PTPRD: variants seen among roughly 807,000 people sequenced by gnomAD.
PTPRD encodes protein tyrosine phosphatase receptor type D, also known as receptor-type tyrosine-protein phosphatase delta.
PTPRD carries 34 observed loss-of-function variants against 214.5 expected under a neutral mutation model. The ratio of observed to expected loss-of-function variants is 0.16; its 90% CI spans 0.12 to 0.21. The LOEUF (loss-of-function observed/expected upper bound fraction) is 0.21. PTPRD is among the 10% of genes least tolerant of loss of function. PTPRD has a pLI of 1.00. For synonymous variants in PTPRD, 1,128 were observed against 845.7 expected, an observed-to-expected ratio of 1.33 and a Z score of -5.79; for missense variants, 2,545 against 2,398.7, an observed-to-expected ratio of 1.06 and a Z score of -1.27.
At chr9:8,572,856 T>C (rs574542546) in intron 14 of PTPRD, among the ~76,000 whole-genome samples, 2 of 152,206 alleles carry the variant, frequency 1.3e-5, no homozygotes, top group African/African-American at 2.4e-5. Flanking sequence ...GTTTGCATGA[T>C]TCTATTTTCA....
intron 2 of PTPRD, among the ~76,000 whole-genome samples, chr9:10,598,827 G>A (rs1018916927): frequency 4.0e-5 from 6 of 151,260 alleles, no homozygotes; most frequent in East Asian, 1.9e-4. Flanking sequence ...AGAGAGTAAA[G>A]GAGACTAGTA....
chr9:9,573,257 T>C (rs931165608), intron 8 of PTPRD, among the ~76,000 whole-genome samples: 7 of 151,566 alleles, frequency 4.6e-5, no homozygotes, highest in Non-Finnish European at 1.0e-4. Flanking sequence ...ATTTCATTTA[T>C]AGAATACAGA....
Position 10,186,195 on chromosome 9 carries a change from G to A in PTPRD, c.-544-152405C>T, listed in dbSNP as rs144916903. Among the ~76,000 whole-genome samples the A allele has an allele frequency of 5.2e-3, 786 of 151,982 alleles. 6 individuals are homozygous for A. Among genetic ancestry groups the A allele is most frequent in the African/African-American group, 0.018 (748 of 41,456 alleles). ...ACGTTTTTGATTGGAACTTGGAAAA[G>A]TTAAATATAATTAAACTCAACCTGA... On this transcript the variant is annotated intron_variant, in intron 3 of 45. Transcript: ENST00000381196.
intron 7 of PTPRD, among the ~76,000 whole-genome samples, chr9:9,684,278 C>T (rs1023303665): frequency 2.0e-5 from 3 of 151,662 alleles, no homozygotes; most frequent in African/African-American, 7.2e-5. Context: ...ATTCAACATA[C>T]CTTTCTGGAC....
intron 2 of PTPRD, among the ~76,000 whole-genome samples, chr9:10,389,154 T>C (rs932359968): frequency 2.6e-5 from 4 of 151,828 alleles, no homozygotes; most frequent in Non-Finnish European, 5.9e-5. Context: ...GCAGCTGTTA[T>C]GTGTACATAG....
At chr9:8,578,126 G>C (rs2092664661) in intron 14 of PTPRD, among the ~76,000 whole-genome samples, 5 of 152,140 alleles carry the variant, frequency 3.3e-5, no homozygotes, top group Admixed American at 3.3e-4. Context: ...TCTGTACATA[G>C]GATACACACT....
At chr9:8,744,369 T>A (rs547793842) in intron 11 of PTPRD, among the ~76,000 whole-genome samples, 1 of 152,296 alleles carries the variant, frequency 6.6e-6, no homozygotes, top group African/African-American at 2.4e-5. Context: ...GCAGCACAAT[T>A]TGCAACTGCA....
At chr9:9,638,193 A>G (rs191613431) in intron 7 of PTPRD, among the ~76,000 whole-genome samples, 26 of 152,218 alleles carry the variant, frequency 1.7e-4, no homozygotes, top group Non-Finnish European at 3.4e-4. Flanking sequence ...AAATTTCCCA[A>G]ATCTTCATAT....
rs557193906 is a variant in PTPRD, at chr9:9,459,296, A to T, written c.-236-61814T>A. On this transcript the variant is annotated intron_variant, in intron 8 of 45. Coordinates refer to ENST00000381196, the MANE Select transcript of PTPRD (RefSeq NM_002839.4). Reference sequence around the variant, plus strand: ...CATTCCCACTAAGAACAGAAACAAGATAAGAATGTACACTTTTACCACTCC... The same window carrying T: ...CATTCCCACTAAGAACAGAAACAAGTTAAGAATGTACACTTTTACCACTCC... Among the ~76,000 whole-genome samples, 19 of 152,230 alleles carry T rather than the reference A, an allele frequency of 1.2e-4. No individual in the cohort carries two copies. The South Asian group carries it at 3.5e-3, about 28-fold the overall frequency.
intron 10 of PTPRD, among the ~76,000 whole-genome samples, chr9:9,181,853 T>G (rs2099928406): frequency 6.6e-6 from 1 of 152,062 alleles, no homozygotes; most frequent in Admixed American, 6.6e-5. Context: ...ACATCACTTG[T>G]ATGATTAGTT....
At chr9:9,499,122 G>A (rs763647309) in intron 8 of PTPRD, among the ~76,000 whole-genome samples, 15 of 152,002 alleles carry the variant, frequency 9.9e-5, no homozygotes, top group Non-Finnish European at 2.1e-4. Flanking sequence ...AATGAGCATA[G>A]ATTGGAAGAA....
intron 32 of PTPRD, among the ~76,000 whole-genome samples, chr9:8,462,452 C>G (rs562439421): frequency 2.6e-5 from 4 of 152,112 alleles, no homozygotes; most frequent in African/African-American, 9.6e-5. Flanking sequence ...AACTATAAAG[C>G]CTTCAAGAGG....
chr9:10,080,958 G>A (rs1216716997), intron 3 of PTPRD, among the ~76,000 whole-genome samples: 1 of 151,850 alleles, frequency 6.6e-6, no homozygotes, highest in Non-Finnish European at 1.5e-5. Context: ...CTACTCTCAG[G>A]AACAATTATC....
chr9:8,934,401 G>GTGTA lies in PTPRD; in HGVS notation c.-104+84295_-104+84296insTACA, dbSNP rs1555546638. Among the ~76,000 whole-genome samples the GTGTA allele has an allele frequency of 2.1e-4, 9 of 43,158 alleles. 1 individual carries two copies. The South Asian group carries it at 5.4e-3, about 26-fold the overall frequency. 28.3% of individuals were successfully genotyped at this position (43,158 alleles called of 152,430 possible). On this transcript the variant is annotated intron_variant, in intron 11 of 45. Transcript: ENST00000381196. ...ATTGACAAATACTAATTATGTGTGTGTGTGTGTGTGTGTGTGTGTGTATAT... is the reference window on the plus strand; with the variant it reads ...ATTGACAAATACTAATTATGTGTGTGTGTATGTGTGTGTGTGTGTGTGTGTATAT...
intron 7 of PTPRD, among the ~76,000 whole-genome samples, chr9:9,667,784 G>A (rs2096751764): frequency 6.6e-6 from 1 of 152,130 alleles, no homozygotes; most frequent in African/African-American, 2.4e-5. Context: ...TTGATGTCCA[G>A]AAACATTTAT....
chr9:10,538,239 A>AAAATAAAT (rs139133858), intron 2 of PTPRD, among the ~76,000 whole-genome samples: 25 of 130,352 alleles, frequency 1.9e-4, no homozygotes, highest in Non-Finnish European at 2.6e-4. Flanking sequence ...GCCTCATCAT[A>AAAATAAAT]AAATAAATAA....
intron 3 of PTPRD, among the ~76,000 whole-genome samples, chr9:10,085,271 C>A (rs1214267143): frequency 6.6e-6 from 1 of 151,784 alleles, no homozygotes; most frequent in African/African-American, 2.4e-5. Flanking sequence ...TTTTAAAAAA[C>A]TACATCAGTG....
At chr9:8,774,568 C>A (rs1418375901) in intron 11 of PTPRD, among the ~76,000 whole-genome samples, 1 of 96,406 alleles carries the variant, frequency 1.0e-5, no homozygotes, top group African/African-American at 4.3e-5. Flanking sequence ...GAGTTTTGCT[C>A]TTGTTGCCCA....
chr9:9,157,820 C>T (rs2099882575), intron 10 of PTPRD, among the ~76,000 whole-genome samples: 1 of 152,098 alleles, frequency 6.6e-6, no homozygotes, highest in South Asian at 2.1e-4. Flanking sequence ...CATCCCATTA[C>T]CCAGGTATTA....
Sources: allele counts gnomAD v4.1 joint callset (sites outside exome capture counted in the v4.1 genomes callset), GRCh38; gene constraint gnomAD v4.1.1; transcripts MANE v1.5; gene names NCBI Gene and HGNC (gene_info 2026-07-23, HGNC 2026-07-21).